Variants in SHANK2 observed in about 807,000 individuals in gnomAD.
SHANK2 encodes SH3 and multiple ankyrin repeat domains protein 2.
In SHANK2, 43 loss-of-function variants were observed where a neutral mutation model predicts 133.7. The ratio of observed to expected loss-of-function variants is 0.32; its 90% confidence interval spans 0.25 to 0.41. The LOEUF (loss-of-function observed/expected upper bound fraction) is 0.41. Ranked by LOEUF, SHANK2 falls within the 10% of genes least tolerant of loss-of-function variation. The pLI, the probability that SHANK2 is intolerant of heterozygous loss-of-function variation, is 1.00. For missense variants in SHANK2, 1,994 were observed against 2,235.8 expected (o/e 0.89, Z 2.18); for synonymous variants, 1,017 against 952.8 (o/e 1.07, Z -1.24).
chr11:70,702,325 CCAT>C lies in SHANK2; in HGVS notation c.1778-3565_1778-3563del, dbSNP rs782064012. On this transcript the variant is annotated intron_variant, in intron 14 of 25. Coordinates refer to ENST00000601538, the MANE Select transcript of SHANK2 (RefSeq NM_012309.5). Reference sequence around the variant, plus strand: ...ACCATCATCACAATCACCATCATCACCATCATCATCACCAACACCATCACCACC... The same window carrying C: ...ACCATCATCACAATCACCATCATCACCATCATCACCAACACCATCACCACC... Among the ~76,000 whole-genome samples the C allele has an allele frequency of 7.9e-4, 110 of 139,542 alleles. 1 individual carries two copies. The highest frequency in any genetic ancestry group is 1.3e-3 in the Non-Finnish European group (85 of 63,966). The allele number at this position is 139,542 out of a possible 152,430, so 91.5% of individuals were successfully genotyped here.
At chr11:70,733,917 CT>C (rs1555032864) in intron 14 of SHANK2, among the ~76,000 whole-genome samples, 2 of 152,176 alleles carry the variant, frequency 1.3e-5, no homozygotes, top group African/African-American at 4.8e-5. Context: ...CCCTGGGTGC[CT>C]TTGCTAGGCC....
At chr11:70,860,416 G>A (rs562861785) in intron 11 of SHANK2, among the ~76,000 whole-genome samples, 15 of 152,190 alleles carry the variant, frequency 9.9e-5, no homozygotes, top group Admixed American at 2.0e-4. Context: ...AAGAAAGAAC[G>A]TTTTGAAGGT....
intron 25 of SHANK2, among the ~76,000 whole-genome samples, chr11:70,482,886 G>A (rs782170695): frequency 1.2e-4 from 18 of 152,210 alleles, no homozygotes; most frequent in Non-Finnish European, 2.5e-4. Flanking sequence ...TAGAGACGCT[G>A]CAAGTTGGGG....
At chr11:71,246,860 G>C (rs139399958) in intron 1 of SHANK2, among the ~76,000 whole-genome samples, 1 of 152,150 alleles carries the variant, frequency 6.6e-6, no homozygotes, top group East Asian at 1.9e-4. Flanking sequence ...CACTCAGAGA[G>C]GCAGCTCCAG....
chr11:70,549,093 G>A (rs1213991767), intron 17 of SHANK2, among the ~76,000 whole-genome samples: 1 of 152,270 alleles, frequency 6.6e-6, no homozygotes, highest in Non-Finnish European at 1.5e-5. Context: ...TCTGTGGGAC[G>A]CTGTGACAGC....
At chr11:71,087,456 C>A (rs1299645109) in intron 8 of SHANK2, among the ~76,000 whole-genome samples, 1 of 152,132 alleles carries the variant, frequency 6.6e-6, no homozygotes, top group African/African-American at 2.4e-5. Context: ...AACTACTCCA[C>A]GTTTAAGGAG....
chr11:71,149,412 T>C (rs534944257), intron 2 of SHANK2, among the ~76,000 whole-genome samples: 371 of 152,320 alleles, frequency 2.4e-3, no homozygotes, highest in South Asian at 0.013. Flanking sequence ...ATTTGCCCTC[T>C]AGAAACTCAC....
At chr11:70,494,782 C>CT (rs2058945325) in intron 21 of SHANK2, among the ~76,000 whole-genome samples, 1 of 152,192 alleles carries the variant, frequency 6.6e-6, no homozygotes, top group Admixed American at 6.5e-5. Context: ...CAAGAAAGCC[C>CT]TTGCCCCATA....
rs563941443 is a variant in SHANK2 at position 70,626,052 on chromosome 11, C to A, written c.2061+33776G>T. ...CCGCTGCCTTGTTCTCACTCCCAGG[C>A]AGCCTCCGTCCCAGCCTCCCATCCC... On this transcript the variant is annotated intron_variant, in intron 17 of 25. Transcript: ENST00000601538. Among the ~76,000 whole-genome samples the A allele has an allele frequency of 2.0e-5, 3 of 152,192 alleles. No individual in the cohort carries two copies. The East Asian group carries it at 5.8e-4, about 30-fold the overall frequency.
chr11:71,245,919 T>C (rs1656195840), intron 1 of SHANK2, among the ~76,000 whole-genome samples: 2 of 152,086 alleles, frequency 1.3e-5, no homozygotes, highest in Non-Finnish European at 2.9e-5. Context: ...ATGCCTCTAG[T>C]TTGCAGGCCC....
chr11:70,649,055 G>A (rs782131482), intron 17 of SHANK2, among the ~76,000 whole-genome samples: 10 of 152,142 alleles, frequency 6.6e-5, no homozygotes, highest in East Asian at 1.9e-4. Flanking sequence ...GGCACATTCC[G>A]GAGACCAGAG....
At chr11:71,129,450 G>A (rs1265493685) in intron 3 of SHANK2, among the ~76,000 whole-genome samples, 2 of 152,112 alleles carry the variant, frequency 1.3e-5, no homozygotes, top group Non-Finnish European at 1.5e-5. Context: ...AGCAGGCGAG[G>A]CAACATAGGG....
At chr11:70,799,335 G>C (rs1381775878) in intron 13 of SHANK2, among the ~76,000 whole-genome samples, 2 of 152,096 alleles carry the variant, frequency 1.3e-5, no homozygotes, top group African/African-American at 4.8e-5. Flanking sequence ...CCGGAAGATG[G>C]AAGTTGCAGT....
At chr11:71,073,136 C>CTTTTCTTTTTTTTTTTTTTTTT (rs1951164763) in intron 9 of SHANK2, among the ~76,000 whole-genome samples, 2 of 72,336 alleles carry the variant, frequency 2.8e-5, no homozygotes, top group Admixed American at 1.5e-4. Flanking sequence ...TGTTTTTTTT[C>CTTTTCTTTTTTTTTTTTTTTTT]TTTTTCTTTT....
chr11:70,656,657 G>A (rs1391005341), intron 17 of SHANK2, among the ~76,000 whole-genome samples: 1 of 152,094 alleles, frequency 6.6e-6, no homozygotes. Context: ...GGGCCACTGT[G>A]ATCAAATGTC....
At chr11:70,562,376 G>A (rs1162756579) in intron 17 of SHANK2, among the ~76,000 whole-genome samples, 1 of 152,208 alleles carries the variant, frequency 6.6e-6, no homozygotes, top group Non-Finnish European at 1.5e-5. Flanking sequence ...AGAAGGAGAA[G>A]TGATTATACT....
At chr11:70,501,853 A>T in intron 20 of SHANK2, 70 bp downstream of exon 20, 1 of 1,500,984 alleles carries the variant, frequency 6.7e-7, no homozygotes, top group South Asian at 1.2e-5. Context: ...GCCTGGGCTG[A>T]GGTGGATGTC....
intron 15 of SHANK2, among the ~76,000 whole-genome samples, chr11:70,691,049 T>C (rs563928305): frequency 7.2e-5 from 11 of 152,280 alleles, no homozygotes; most frequent in African/African-American, 2.2e-4. Context: ...TTTCTACTCT[T>C]GGCCCTATCT....
chr11:70,878,485 T>C (rs1228969139), intron 11 of SHANK2, among the ~76,000 whole-genome samples: 10 of 152,164 alleles, frequency 6.6e-5, no homozygotes, highest in African/African-American at 1.9e-4. Flanking sequence ...TCAGAAATCA[T>C]GGAAAGCCAC....
Sources: gnomAD v4.1 joint callset for allele counts (sites outside exome capture counted in the v4.1 genomes callset) on GRCh38, gnomAD v4.1.1 for gene constraint, MANE v1.5 for transcripts, NCBI Gene and HGNC (gene_info 2026-07-23, HGNC 2026-07-21) for gene names.